The following CCDC141 variants were observed in gnomAD, a reference collection of about 807,000 sequenced individuals.
CCDC141 encodes the protein coiled-coil domain-containing protein 141.
In CCDC141, 168 loss-of-function variants were observed where a neutral mutation model predicts 181.0. The observed-to-expected ratio is 0.93, with a 90% CI of 0.82 to 1.05. The LOEUF (loss-of-function observed/expected upper bound fraction) is 1.05. Ranked by LOEUF, CCDC141 falls within the 50% of genes least tolerant of loss-of-function variation. The pLI, the probability that CCDC141 is intolerant of heterozygous loss-of-function variation, is 0.00. For missense variants in CCDC141, 1,902 were observed against 1,788.5 expected (o/e 1.06, Z -1.14); for synonymous variants, 666 against 642.3 (o/e 1.04, Z -0.56).
chr2:178,960,386 A>C (rs1239116500), intron 5 of CCDC141, among the ~76,000 whole-genome samples: 1 of 152,154 alleles, frequency 6.6e-6, no homozygotes, highest in Non-Finnish European at 1.5e-5. Flanking sequence ...AGCTATATGA[A>C]TGTCTCTTCA....
chr2:178,938,178 ACTT>A (rs773045824), intron 6 of CCDC141, among the ~76,000 whole-genome samples: 3 of 151,846 alleles, frequency 2.0e-5, no homozygotes, highest in Non-Finnish European at 2.9e-5. Flanking sequence ...GATCATTCTA[ACTT>A]CTTGATGTTA....
At chr2:178,920,025 T>C (rs1289067025) in intron 6 of CCDC141, among the ~76,000 whole-genome samples, 2 of 152,202 alleles carry the variant, frequency 1.3e-5, no homozygotes, top group Non-Finnish European at 2.9e-5. Context: ...CCAAACATAT[T>C]TACATTCAAT....
Position 178,905,460 on chromosome 2 carries a change from G to A in CCDC141, c.1134C>T (p.Leu378=), listed in dbSNP as rs1687920508. 1 of 1,550,778 alleles carries A rather than the reference G, an allele frequency of 6.4e-7. No homozygotes were observed. Among genetic ancestry groups the A allele is most frequent in the Non-Finnish European group, 8.7e-7 (1 of 1,146,974 alleles). The change falls in exon 8 of 24, where the codon CTC becomes CTT. Residue 378 remains leucine (L), a synonymous_variant. Coordinates refer to ENST00000443758, the MANE Select transcript of CCDC141 (RefSeq NM_173648.4). ...VLGRVEAYLK[L]LKSEGLSLAV... ...CCAGACTTAAACCCTCTGATTTAAG[G>A]AGCTTAAGGTAAGCTTCAACTCTTC...
intron 17 of CCDC141, among the ~76,000 whole-genome samples, chr2:178,861,084 G>T (rs949994785): frequency 6.6e-6 from 1 of 151,838 alleles, no homozygotes; most frequent in Non-Finnish European, 1.5e-5. Context: ...CCCAGGATGG[G>T]GCCCACTAGA....
intron 11 of CCDC141, among the ~76,000 whole-genome samples, chr2:178,880,125 T>A (rs2154369969): frequency 6.6e-6 from 1 of 152,352 alleles, no homozygotes; most frequent in South Asian, 2.1e-4. Flanking sequence ...GGCAGTCAGT[T>A]ATGTGCAATT....
At chr2:178,997,815 CT>C (rs1157070548) in intron 2 of CCDC141, among the ~76,000 whole-genome samples, 6 of 152,146 alleles carry the variant, frequency 3.9e-5, no homozygotes, top group African/African-American at 1.4e-4. Flanking sequence ...GATGTGTATA[CT>C]ATGGAATTTA....
chr2:179,008,822 A>T (rs984103920), intron 2 of CCDC141, among the ~76,000 whole-genome samples: 1 of 152,090 alleles, frequency 6.6e-6, no homozygotes, highest in Non-Finnish European at 1.5e-5. Flanking sequence ...TGTTCTTTTA[A>T]CTTTAGATGT....
downstream of CCDC141, chr2:178,825,421 A>G (rs1684108806): frequency 1.3e-5 from 2 of 152,132 alleles, no homozygotes; most frequent in Non-Finnish European, 2.9e-5. Flanking sequence ...TTTTATTTTG[A>G]TCATGTTATT....
intron 5 of CCDC141, among the ~76,000 whole-genome samples, chr2:178,948,316 A>G (rs1689814411): frequency 6.6e-6 from 1 of 152,038 alleles, no homozygotes; most frequent in African/African-American, 2.4e-5. Context: ...TTACTTTTTA[A>G]TTTTTTACTT....
At chr2:178,843,232 T>G (rs1387558422) in intron 22 of CCDC141, among the ~76,000 whole-genome samples, 1 of 152,192 alleles carries the variant, frequency 6.6e-6, no homozygotes, top group Admixed American at 6.5e-5. Context: ...TTGGGGTGAC[T>G]GCCAGTTCTT....
chr2:178,846,663 GA>G (rs1412738908), intron 21 of CCDC141, among the ~76,000 whole-genome samples: 1 of 152,136 alleles, frequency 6.6e-6, no homozygotes, highest in Admixed American at 6.5e-5. Context: ...AGCTGGTGTG[GA>G]AAGAATGCTA....
In CCDC141 at chr2:178,834,434, C is replaced by T; in HGVS notation, c.4332G>A (p.Lys1444=). Residue 1444 remains lysine (K), a synonymous_variant, in exon 24 of 24, where the codon AAG becomes AAA. Coordinates refer to ENST00000443758, the MANE Select transcript of CCDC141 (RefSeq NM_173648.4). ...GFPEPTLTWY[K]KGQKLSADGH... Reference sequence around the variant, plus strand: ...CATCTGCAGACAATTTCTGGCCCTTCTTGTACCTGAAGCAGAGAGGCAGTT... The same window carrying T: ...CATCTGCAGACAATTTCTGGCCCTTTTTGTACCTGAAGCAGAGAGGCAGTT... The T allele has an allele frequency of 6.5e-7, 1 of 1,535,688 alleles. No homozygotes were observed. The highest frequency in any genetic ancestry group is 1.4e-5 in the African/African-American group (1 of 73,114).
intron 8 of CCDC141, among the ~76,000 whole-genome samples, chr2:178,901,644 A>G (rs1687698395): frequency 6.6e-6 from 1 of 152,124 alleles, no homozygotes; most frequent in South Asian, 2.1e-4. Context: ...ACCCACAGCC[A>G]ATATCATACT....
chr2:179,008,198 AC>A (rs1336197253), intron 2 of CCDC141, among the ~76,000 whole-genome samples: 1 of 152,170 alleles, frequency 6.6e-6, no homozygotes, highest in African/African-American at 2.4e-5. Flanking sequence ...TTTTGGTCAA[AC>A]AAAAATATAC....
chr2:178,879,184 G>A (rs1332208142), intron 11 of CCDC141, among the ~76,000 whole-genome samples: 1 of 152,136 alleles, frequency 6.6e-6, no homozygotes, highest in Non-Finnish European at 1.5e-5. Flanking sequence ...AGATTAATAT[G>A]TAATTGGATG....
intron 2 of CCDC141, among the ~76,000 whole-genome samples, chr2:179,028,461 C>T (rs1389460106): frequency 2.0e-5 from 3 of 152,184 alleles, no homozygotes; most frequent in Non-Finnish European, 4.4e-5. Context: ...GTTCATTAAA[C>T]AATTGCAACT....
chr2:179,044,381 C>A (rs76494149), intron 2 of CCDC141, among the ~76,000 whole-genome samples: 1 of 152,186 alleles, frequency 6.6e-6, no homozygotes, highest in Non-Finnish European at 1.5e-5. Context: ...ATGCTGGAGG[C>A]ATCACTCTAC....
intron 2 of CCDC141, among the ~76,000 whole-genome samples, chr2:179,013,331 C>T (rs1182550334): frequency 2.0e-5 from 3 of 152,044 alleles, no homozygotes; most frequent in Non-Finnish European, 2.9e-5. Context: ...AGCAACCAAG[C>T]GGAGAATCAA....
chr2:178,954,371 G>A (rs1430271440), intron 5 of CCDC141, among the ~76,000 whole-genome samples: 14 of 152,140 alleles, frequency 9.2e-5, no homozygotes, highest in Admixed American at 9.2e-4. Flanking sequence ...TAAAACAAGA[G>A]TGCATTTTTA....
Sources: allele counts gnomAD v4.1 joint callset (sites outside exome capture counted in the v4.1 genomes callset), GRCh38; gene constraint gnomAD v4.1.1; transcripts MANE v1.5; gene names NCBI Gene and HGNC (gene_info 2026-07-23, HGNC 2026-07-21).